The following CTNNA2 variants were observed in gnomAD, a reference collection of about 807,000 sequenced individuals.
CTNNA2 encodes catenin alpha 2, also known as catenin alpha-2.
In CTNNA2, 42 loss-of-function variants were observed where a neutral mutation model predicts 101.0. The ratio of observed to expected loss-of-function variants is 0.42; its 90% CI spans 0.32 to 0.54. The LOEUF is 0.54. Among genes scored for constraint, CTNNA2 ranks in the 20% least tolerant of loss-of-function variants. The pLI, the probability that CTNNA2 is intolerant of heterozygous loss-of-function variation, is 0.14. For synonymous variants in CTNNA2, 450 were observed against 456.4 expected, an observed-to-expected ratio of 0.99 and a Z score of 0.18; for missense variants, 871 against 1,223.1, an observed-to-expected ratio of 0.71 and a Z score of 4.29.
At chr2:80,123,331 A>C (rs988294546) in intron 7 of CTNNA2, among the ~76,000 whole-genome samples, 1 of 152,156 alleles carries the variant, frequency 6.6e-6, no homozygotes, top group Admixed American at 6.5e-5. Flanking sequence ...GCAGAAACAC[A>C]TATTACAGGT....
chr2:79,484,960 C>T (rs949818733), intron 4 of CTNNA2, among the ~76,000 whole-genome samples: 11 of 152,098 alleles, frequency 7.2e-5, no homozygotes, highest in Non-Finnish European at 8.8e-5. Context: ...AAACCTTTAC[C>T]AGCCATACTT....
chr2:79,772,294 T>A (rs1020940836), intron 3 of CTNNA2, among the ~76,000 whole-genome samples: 2 of 152,176 alleles, frequency 1.3e-5, no homozygotes, highest in Non-Finnish European at 2.9e-5. Flanking sequence ...CCACTCCCCA[T>A]CCCTGAAGAC....
chr2:80,218,641 CATA>C (rs1443391617), intron 7 of CTNNA2, among the ~76,000 whole-genome samples: 2 of 152,132 alleles, frequency 1.3e-5, no homozygotes, highest in Non-Finnish European at 2.9e-5. Flanking sequence ...TGAGAGTAGT[CATA>C]TTGTTTACTC....
chr2:79,989,977 G>A (rs1338484243), intron 7 of CTNNA2, among the ~76,000 whole-genome samples: 1 of 152,156 alleles, frequency 6.6e-6, no homozygotes, highest in Non-Finnish European at 1.5e-5. Context: ...CCTAGCAGCT[G>A]ATGTAATATT....
intron 9 of CTNNA2, among the ~76,000 whole-genome samples, chr2:80,543,993 T>A (rs948564747): frequency 7.9e-5 from 12 of 152,162 alleles, no homozygotes; most frequent in Non-Finnish European, 7.3e-5. Flanking sequence ...TGGGACTGAT[T>A]GGTCTTTTGA....
At chr2:79,275,470 A>G (rs781130368) in intron 2 of CTNNA2, among the ~76,000 whole-genome samples, 27 of 152,050 alleles carry the variant, frequency 1.8e-4, no homozygotes, top group Non-Finnish European at 3.4e-4. Context: ...ATGTCAAGTA[A>G]TCTTCACAGT....
chr2:79,945,098 A>G (rs559979414), intron 7 of CTNNA2, among the ~76,000 whole-genome samples: 5 of 152,222 alleles, frequency 3.3e-5, no homozygotes, highest in African/African-American at 9.6e-5. Context: ...GCTGGAGTGC[A>G]GTGGCACCAC....
intron 7 of CTNNA2, among the ~76,000 whole-genome samples, chr2:80,258,761 G>A (rs1672368462): frequency 6.6e-6 from 1 of 152,102 alleles, no homozygotes; most frequent in Admixed American, 6.6e-5. Context: ...CACAACCCTG[G>A]TCGGAAGGCA....
intron 2 of CTNNA2, among the ~76,000 whole-genome samples, chr2:79,732,370 C>T (rs550481110): frequency 6.6e-6 from 1 of 152,020 alleles, no homozygotes; most frequent in African/African-American, 2.4e-5. Flanking sequence ...GAATTTGTTC[C>T]TAGCAATTCA....
chr2:80,078,282 A>G (rs1170311566), intron 7 of CTNNA2, among the ~76,000 whole-genome samples: 3 of 152,162 alleles, frequency 2.0e-5, no homozygotes, highest in Non-Finnish European at 4.4e-5. Context: ...CAGAACTTCA[A>G]CAGGAAGTGC....
intron 3 of CTNNA2, among the ~76,000 whole-genome samples, chr2:79,750,821 A>T (rs12998824): frequency 6.6e-6 from 1 of 151,006 alleles, no homozygotes; most frequent in South Asian, 2.1e-4. Flanking sequence ...GCAGTGAACC[A>T]AGATCTTGCC....
chr2:79,477,941 T>C (rs950730583), intron 4 of CTNNA2, among the ~76,000 whole-genome samples: 5 of 152,232 alleles, frequency 3.3e-5, no homozygotes, highest in African/African-American at 1.2e-4. Context: ...CTGCATCTTT[T>C]GTAGTTACTT....
chr2:79,888,595 A>C (rs376502502), intron 6 of CTNNA2, among the ~76,000 whole-genome samples: 2 of 152,168 alleles, frequency 1.3e-5, no homozygotes, highest in Admixed American at 6.5e-5. Context: ...AATTTGAAGT[A>C]CTTTTTTTTA....
At chr2:79,542,129 T>TAAC (rs1673463701) in intron 1 of CTNNA2, among the ~76,000 whole-genome samples, 1 of 141,850 alleles carries the variant, frequency 7.0e-6, no homozygotes, top group African/African-American at 2.5e-5. Context: ...TAGTATATAT[T>TAAC]GTGTGAATGT....
chr2:79,320,494 C>T (rs947653718), intron 3 of CTNNA2, among the ~76,000 whole-genome samples: 3 of 151,990 alleles, frequency 2.0e-5, no homozygotes, highest in Admixed American at 2.0e-4. Flanking sequence ...AATGATGTTG[C>T]TCTAAAAAAA....
intron 7 of CTNNA2, among the ~76,000 whole-genome samples, chr2:79,958,127 A>G (rs1689369864): frequency 6.6e-6 from 1 of 152,210 alleles, no homozygotes; most frequent in Admixed American, 6.5e-5. Flanking sequence ...TTGACTCAAT[A>G]TCCCAGATAT....
intron 2 of CTNNA2, among the ~76,000 whole-genome samples, chr2:79,207,597 C>T (rs1180668738): frequency 2.0e-5 from 3 of 152,160 alleles, no homozygotes; most frequent in South Asian, 2.1e-4. Context: ...CAGTGAACTA[C>T]GTACCAACAT....
At chr2:79,639,513 A>G (rs1280077213) in intron 1 of CTNNA2, among the ~76,000 whole-genome samples, 1 of 152,178 alleles carries the variant, frequency 6.6e-6, no homozygotes, top group African/African-American at 2.4e-5. Flanking sequence ...ATTATTTGAA[A>G]ACACTGTAAT....
intron 7 of CTNNA2, among the ~76,000 whole-genome samples, chr2:79,970,377 G>T (rs1046613462): frequency 1.3e-5 from 2 of 152,154 alleles, no homozygotes; most frequent in South Asian, 4.1e-4. Context: ...TATGCTGATT[G>T]TGTCAAAGAG....
Sources: gnomAD v4.1 joint callset for allele counts (sites outside exome capture counted in the v4.1 genomes callset) on GRCh38, gnomAD v4.1.1 for gene constraint, MANE v1.5 for transcripts, NCBI Gene and HGNC (gene_info 2026-07-23, HGNC 2026-07-21) for gene names.